The following ACSM4 variants were observed in gnomAD, a reference collection of about 807,000 sequenced individuals.
ACSM4 encodes the protein acyl-coenzyme A synthetase ACSM4, mitochondrial.
Under a neutral mutation model 73.0 loss-of-function variants are expected in ACSM4, and 66 were observed. The ratio of observed to expected loss-of-function variants is 0.90; its 90% CI spans 0.74 to 1.11. The LOEUF (loss-of-function observed/expected upper bound fraction) is 1.11. Among genes scored for constraint, ACSM4 ranks in the 50% least tolerant of loss-of-function variants. The pLI is 0.00. For missense variants in ACSM4, 645 were observed against 714.4 expected (o/e 0.90, Z 1.11); for synonymous variants, 222 against 254.0 (o/e 0.87, Z 1.20).
chr12:7,320,942 C>T (rs1438439258), intron 6 of ACSM4, 138 bp downstream of exon 6: 7 of 781,616 alleles, frequency 9.0e-6, no homozygotes, highest in South Asian at 1.6e-5. Context: ...ATAATTCTAT[C>T]GTCGGAGGAC....
At chr12:7,323,647 C>A (rs1343980355) in intron 9 of ACSM4, 87 bp downstream of exon 9, 17 of 1,193,782 alleles carry the variant, frequency 1.4e-5, no homozygotes, top group Non-Finnish European at 6.1e-6. Flanking sequence ...TAATCTTGGG[C>A]AAGCAACAAA....
intron 2 of ACSM4, 21 bp downstream of exon 2, chr12:7,306,764 T>G: frequency 6.3e-7 from 1 of 1,587,126 alleles, no homozygotes; most frequent in Non-Finnish European, 8.6e-7. Flanking sequence ...ATATTAGCAT[T>G]CTAAATCACA....
intron 11 of ACSM4, among the ~76,000 whole-genome samples, chr12:7,326,266 A>C (rs1946504614): frequency 6.6e-6 from 1 of 152,120 alleles, no homozygotes; most frequent in Non-Finnish European, 1.5e-5. Flanking sequence ...GCCGTGGTGC[A>C]GTTATAGCTC....
At position 7,326,960 on chromosome 12, in the gene ACSM4, A is replaced by G. The variant is rs747954373; in HGVS notation, c.1537-16A>G. 17 of 1,584,620 alleles carry G rather than the reference A, an allele frequency of 1.1e-5. No homozygotes were observed. In the African/African-American group the frequency reaches 1.9e-4, roughly 18 times the overall value. ...GAAAAACAAATGAGCAAGATAAATTAACTTTTCTGTTGCAGGTGGTGAAAG... is the reference window on the plus strand; with the variant it reads ...GAAAAACAAATGAGCAAGATAAATTGACTTTTCTGTTGCAGGTGGTGAAAG... On this transcript the variant is annotated splice_polypyrimidine_tract_variant and intron_variant, in intron 11 of 12. Coordinates refer to ENST00000399422, the MANE Select transcript of ACSM4 (RefSeq NM_001080454.2).
intron 2 of ACSM4, among the ~76,000 whole-genome samples, chr12:7,309,555 A>C (rs1192372058): frequency 6.6e-6 from 1 of 152,200 alleles, no homozygotes; most frequent in Non-Finnish European, 1.5e-5. Flanking sequence ...CTAGTTCTTT[A>C]AAATTTTTAA....
intron 6 of ACSM4, 40 bp from the exon 7 acceptor site, chr12:7,322,378 G>A: frequency 6.2e-7 from 1 of 1,612,030 alleles, no homozygotes; most frequent in Non-Finnish European, 8.5e-7. Flanking sequence ...AAAGCACTCA[G>A]GTTCCTCTTG....
In ACSM4 at chr12:7,323,309, G is replaced by T; in HGVS notation, c.1201G>T (p.Val401Phe). Residue 401 changes from valine (V) to phenylalanine (F), a missense_variant, in exon 8 of 13, where the codon GTC (valine) becomes TTC (phenylalanine). Physicochemically the swap from Val to Phe is conservative, Grantham distance 50 (BLOSUM62 -1). Coordinates refer to ENST00000399422, the MANE Select transcript of ACSM4 (RefSeq NM_001080454.2). The part of the protein sequence containing the change: ...SMGKGMLPYD[V>F]QIIDENGNVL... The stretch of plus-strand genomic sequence containing the variant: ...GGGGAAAGGAATGCTGCCCTATGAT[G>T]TCCAGGTAGGTTGAGAAAATATCTG... 1.2e-6 allele frequency: 2 copies of T among 1,610,296 alleles called. No individual in the cohort carries two copies. Among genetic ancestry groups the T allele is most frequent in the Non-Finnish European group, 1.7e-6 (2 of 1,178,248 alleles).
chr12:7,313,488 T>C (rs1946402138), intron 3 of ACSM4, among the ~76,000 whole-genome samples: 2 of 152,208 alleles, frequency 1.3e-5, no homozygotes, highest in Non-Finnish European at 2.9e-5. Context: ...AGTTGATCTT[T>C]TATTCAATAA....
chr12:7,305,593 G>A (rs983998571), intron 1 of ACSM4, among the ~76,000 whole-genome samples: 2 of 152,152 alleles, frequency 1.3e-5, no homozygotes, highest in Non-Finnish European at 2.9e-5. Context: ...GGCCACACAG[G>A]TCCAACAGAA....
At chr12:7,307,757 G>A (rs928893892) in intron 2 of ACSM4, among the ~76,000 whole-genome samples, 7 of 152,134 alleles carry the variant, frequency 4.6e-5, no homozygotes, top group Non-Finnish European at 7.4e-5. Context: ...TTTATACACC[G>A]TCTATGGCTC....
intron 5 of ACSM4, 115 bp downstream of exon 5, chr12:7,318,297 C>T: frequency 2.2e-6 from 3 of 1,385,866 alleles, no homozygotes; most frequent in Non-Finnish European, 2.9e-6. Flanking sequence ...GAAATCATTT[C>T]TTTATACAAA....
Position 7,323,491 on chromosome 12 carries a change from T to C in ACSM4, c.1239T>C (p.Pro413=), listed in dbSNP as rs1348819884. 2.5e-6 allele frequency: 4 copies of C among 1,613,832 alleles called. No homozygotes were observed. The highest frequency in any genetic ancestry group is 2.5e-6 in the Non-Finnish European group (3 of 1,179,832). The part of the protein sequence containing the change: ...IIDENGNVLP[P]GKEGEIALRL... ...ATGAAAATGGCAATGTTCTACCACC[T>C]GGCAAAGAAGGGGAAATTGCCCTCA... is the stretch of plus-strand genomic sequence containing the variant. The change falls in exon 9 of 13, where the codon CCT becomes CCC. Residue 413 remains proline, a synonymous_variant. Transcript: ENST00000399422.
At chr12:7,323,147 C>G in intron 7 of ACSM4, 87 bp from the exon 8 acceptor site, 1 of 1,313,090 alleles carries the variant, frequency 7.6e-7, no homozygotes, top group Non-Finnish European at 1.1e-6. Flanking sequence ...GAAAATCAGT[C>G]AAAATCAAAT....
chr12:7,320,306 T>C (rs1427016735), intron 5 of ACSM4, among the ~76,000 whole-genome samples: 1 of 152,234 alleles, frequency 6.6e-6, no homozygotes, highest in Non-Finnish European at 1.5e-5. Context: ...ATGTATTTTA[T>C]AGGAATGGAG....
Position 7,317,296 on chromosome 12 carries a change from C to T in ACSM4, c.764+16C>T, listed in dbSNP as rs1031015090. 3.9e-6 allele frequency: 6 copies of T among 1,543,014 alleles called. No individual in the cohort carries two copies. In the South Asian group the frequency reaches 4.9e-5, roughly 13 times the overall value. ...TCTGCGGAAGGTAGGGAAGAAAATT[C>T]AGTTTGTTTTTGGTGAACTCCCCCA... On this transcript the variant is annotated intron_variant, in intron 4 of 12. Coordinates refer to ENST00000399422, the MANE Select transcript of ACSM4 (RefSeq NM_001080454.2).
At chr12:7,316,347 T>C (rs769578106) in intron 3 of ACSM4, among the ~76,000 whole-genome samples, 2 of 152,314 alleles carry the variant, frequency 1.3e-5, no homozygotes, top group Admixed American at 6.5e-5. Flanking sequence ...ATCCTGTACT[T>C]GCACAACAAT....
At chr12:7,305,694 A>AGGAT (rs1408643606) in intron 1 of ACSM4, among the ~76,000 whole-genome samples, 1 of 152,268 alleles carries the variant, frequency 6.6e-6, no homozygotes, top group Non-Finnish European at 1.5e-5. Context: ...CTGGAGTATG[A>AGGAT]GCACAACGAT....
chr12:7,309,354 G>T (rs993138899), intron 2 of ACSM4, among the ~76,000 whole-genome samples: 1 of 152,110 alleles, frequency 6.6e-6, no homozygotes, highest in South Asian at 2.1e-4. Flanking sequence ...GGACCTACCA[G>T]GGTTGCTTAA....
At chr12:7,309,811 TCTCA>T (rs1420029820) in intron 2 of ACSM4, among the ~76,000 whole-genome samples, 1 of 152,100 alleles carries the variant, frequency 6.6e-6, no homozygotes, top group Non-Finnish European at 1.5e-5. Flanking sequence ...TGAGACAGAG[TCTCA>T]CTCTGTCACC....
Sources: allele counts gnomAD v4.1 joint callset (sites outside exome capture counted in the v4.1 genomes callset), GRCh38; gene constraint gnomAD v4.1.1; transcripts MANE v1.5; gene names NCBI Gene and HGNC (gene_info 2026-07-23, HGNC 2026-07-21).